Variants in SLC44A2 observed in about 807,000 individuals in gnomAD.
SLC44A2 encodes the protein solute carrier family 44 member 2 (CTL2 blood group).
In SLC44A2, 57 loss-of-function variants were observed where a neutral mutation model predicts 90.8. That is an observed-to-expected ratio of 0.63 (90% CI 0.51 to 0.78). The LOEUF is 0.78. Ranked by LOEUF, SLC44A2 falls within the 30% of genes least tolerant of loss-of-function variation. The probability of loss-of-function intolerance (pLI) is 0.00; values close to 1 mark genes in which losing one functional copy is unlikely to be tolerated. For synonymous variants in SLC44A2, 355 were observed against 360.7 expected, an observed-to-expected ratio of 0.98 and a Z score of 0.18; for missense variants, 794 against 919.7, an observed-to-expected ratio of 0.86 and a Z score of 1.77.
At chr19:10,637,562 G>A (rs961654086) in intron 16 of SLC44A2, 82 bp from the exon 17 acceptor site, 3 of 1,255,922 alleles carry the variant, frequency 2.4e-6, no homozygotes, top group African/African-American at 2.9e-5. Context: ...ACATTGGCAA[G>A]TGTGTGTGAT....
intron 17 of SLC44A2, 31 bp downstream of exon 17, chr19:10,637,778 G>T (rs200312220): frequency 1.9e-6 from 3 of 1,612,492 alleles, no homozygotes; most frequent in African/African-American, 2.7e-5. Flanking sequence ...CAACCAACCC[G>T]CCAGCTCCTG....
chr19:10,615,456 C>G (rs1371841319), intron 1 of SLC44A2, among the ~76,000 whole-genome samples: 4 of 152,056 alleles, frequency 2.6e-5, no homozygotes, highest in African/African-American at 9.7e-5. Context: ...CACCTGAAGT[C>G]CCCGCTACTC....
chr19:10,627,090 G>A (rs1421030427), intron 2 of SLC44A2, among the ~76,000 whole-genome samples: 2 of 152,280 alleles, frequency 1.3e-5, no homozygotes, highest in East Asian at 3.9e-4. Flanking sequence ...GGAGGCCAAG[G>A]CAGGTGGATC....
chr19:10,622,817 G>A (rs1004358234), upstream of SLC44A2, among the ~76,000 whole-genome samples: 1 of 152,022 alleles, frequency 6.6e-6, no homozygotes, highest in Non-Finnish European at 1.5e-5. Context: ...TGGGAGGATC[G>A]CCTGAGCCCA....
chr19:10,638,050 C>A lies in SLC44A2; in HGVS notation c.1797C>A (p.Asp599Glu), dbSNP rs1410407367. The change falls in exon 19 of 22, where the codon GAC becomes GAA. Residue 599 changes from aspartate (D) to glutamate (E), a missense_variant. Physicochemically the swap from Asp to Glu is conservative, Grantham distance 45. Transcript: ENST00000335757. ...TGGCTGTCCTGGATAAAGTTACTGA[C>A]TTCCTCTTCCTGTTGGGCAAACTTC... ...IRVAVLDKVT[D>E]FLFLLGKLLI... 1.9e-6 allele frequency: 3 copies of A among 1,614,026 alleles called. No homozygotes were observed. Among genetic ancestry groups the A allele is most frequent in the Non-Finnish European group, 2.5e-6 (3 of 1,179,986 alleles).
At chr19:10,605,463 G>A (rs561043094) in intron 1 of SLC44A2, among the ~76,000 whole-genome samples, 3 of 152,016 alleles carry the variant, frequency 2.0e-5, no homozygotes, top group East Asian at 3.9e-4. Flanking sequence ...GCGGTGAGCC[G>A]AGTTTGTGCC....
At chr19:10,610,174 C>T (rs575068915) in intron 1 of SLC44A2, among the ~76,000 whole-genome samples, 43 of 150,978 alleles carry the variant, frequency 2.8e-4, no homozygotes, top group African/African-American at 1.0e-3. Context: ...AAGAATGGCT[C>T]TTATATTTTT....
chr19:10,631,288 A>G lies in SLC44A2; in HGVS notation c.344A>G (p.Lys115Arg). Residue 115 changes from lysine (K) to arginine (R), a missense_variant, in exon 6 of 22, where the codon AAA becomes AGA. Physicochemically the swap from Lys to Arg is conservative, Grantham distance 26 (BLOSUM62 2). Transcript: ENST00000335757. Reference sequence around the variant, plus strand: ...CTCCCCTCCCAGATCTGCGTGGAAAAATGCCCCGACCGCTACCTCACGTAC... The same window carrying G: ...CTCCCCTCCCAGATCTGCGTGGAAAGATGCCCCGACCGCTACCTCACGTAC... ...QCPTPQICVE[K>R]CPDRYLTYLN... The G allele has an allele frequency of 6.2e-7, 1 of 1,614,002 alleles. No individual in the cohort carries two copies. Among genetic ancestry groups the G allele is most frequent in the Non-Finnish European group, 8.5e-7 (1 of 1,179,994 alleles).
chr19:10,616,984 C>G (rs538786799), intron 1 of SLC44A2, among the ~76,000 whole-genome samples: 1 of 151,918 alleles, frequency 6.6e-6, no homozygotes, highest in Non-Finnish European at 1.5e-5. Flanking sequence ...TGCAGTGGCG[C>G]GATCTCGGCT....
rs767942361 is a variant in SLC44A2, at chr19:10,631,668, T to C, written c.545T>C (p.Val182Ala). The C allele has an allele frequency of 1.2e-6, 2 of 1,613,564 alleles. No homozygotes were observed. The highest frequency in any genetic ancestry group is 4.5e-5 in the East Asian group (2 of 44,886). Residue 182 changes from valine to alanine, a missense_variant, in exon 8 of 22, where the codon GTC (valine) becomes GCC (alanine). By Grantham distance (64) the Val-to-Ala change is moderately conservative. Coordinates refer to ENST00000335757, the MANE Select transcript of SLC44A2 (RefSeq NM_020428.4). The part of the protein sequence containing the change: ...CFPAIHAYKG[V>A]LMVGNETTYE... Reference sequence around the variant, plus strand: ...CCCGCTATCCACGCCTACAAGGGTGTCCTGATGGTGGGCAATGAGACGACC... The same window carrying C: ...CCCGCTATCCACGCCTACAAGGGTGCCCTGATGGTGGGCAATGAGACGACC...
In SLC44A2 at chr19:10,637,667, T is replaced by G; in HGVS notation, c.1615T>G (p.Cys539Gly). 6.2e-7 allele frequency: 1 copy of G among 1,614,132 alleles called. No homozygotes were observed. The change falls in exon 17 of 22, where the codon TGC becomes GGC. Residue 539 changes from cysteine to glycine, a missense_variant. Physicochemically the swap from Cys to Gly is radical, Grantham distance 159 (BLOSUM62 -3). This residue lies in a region of SLC44A2 where 738 missense variants were observed against 841.1 expected (regional missense o/e 0.88). Transcript: ENST00000335757. ...LKAAENKFAK[C>G]LMTCLKCCFW... ...AGCTGCAGAGAACAAGTTTGCCAAGTGCCTCATGACCTGTCTCAAATGCTG... is the reference window on the plus strand; with the variant it reads ...AGCTGCAGAGAACAAGTTTGCCAAGGGCCTCATGACCTGTCTCAAATGCTG...
In SLC44A2 at chr19:10,643,540, A is replaced by ATGCCCCAGACTCTCCAC; in HGVS notation, c.*155_*156insTGCCCCAGACTCTCCAC. The ATGCCCCAGACTCTCCAC allele has an allele frequency of 2.3e-6, 2 of 862,100 alleles. No individual in the cohort carries two copies. The highest frequency in any genetic ancestry group is 3.4e-6 in the Non-Finnish European group (2 of 591,018). 53.4% of individuals were successfully genotyped at this position (862,100 alleles called of 1,614,324 possible). A position where few individuals can be genotyped will look rare whatever the true frequency, so the allele number is the denominator to read the frequency against. ...ATCCCACCAGTTTCTGGACGTGGAG[A>ATGCCCCAGACTCTCCAC]GTCTGGGGCATCTCCTTCTTATGCC... On this transcript the variant is annotated 3_prime_UTR_variant, in exon 22 of 22. Transcript: ENST00000335757.
At position 10,631,103 on chromosome 19, in the gene SLC44A2, C is replaced by T. The variant is rs11544830; in HGVS notation, c.292C>T (p.Pro98Ser). 6.2e-7 allele frequency: 1 copy of T among 1,614,096 alleles called. No homozygotes were observed. The highest frequency in any genetic ancestry group is 1.1e-5 in the South Asian group (1 of 91,082). The change falls in exon 5 of 22, where the codon CCC (proline) becomes TCC (serine). Residue 98 changes from proline to serine, a missense_variant. Pro to Ser is a moderately conservative substitution (Grantham distance 74). Coordinates refer to ENST00000335757, the MANE Select transcript of SLC44A2 (RefSeq NM_020428.4). ...TTTCAACATTGTGAAATGTGCCAGC[C>T]CCCTGGTTCTGCTGGAATTCCAATG... ...FYFNIVKCAS[P>S]LVLLEFQCPT...
At chr19:10,640,435 C>T (rs1378156265) in intron 20 of SLC44A2, among the ~76,000 whole-genome samples, 1 of 151,980 alleles carries the variant, frequency 6.6e-6, no homozygotes, top group Admixed American at 6.6e-5. Flanking sequence ...AGAGATAGGC[C>T]AGGTGTTGTG....
At position 10,625,617 on chromosome 19, in the gene SLC44A2, GC is replaced by G; in HGVS notation, c.-16del. 1 of 1,245,718 alleles carries G rather than the reference GC, an allele frequency of 8.0e-7. No homozygotes were observed. Among genetic ancestry groups the G allele is most frequent in the Non-Finnish European group, 1.0e-6 (1 of 990,356 alleles). 77.2% of individuals were successfully genotyped at this position (1,245,718 alleles called of 1,614,324 possible). The stretch of plus-strand genomic sequence containing the variant: ...GGAGAGAGCGCGGGCGGCCGCCGGG[GC>G]TGGTCGCCTGCAGGGATGGGGGACG... On this transcript the variant is annotated 5_prime_UTR_variant, in exon 1 of 22. Coordinates refer to ENST00000335757, the MANE Select transcript of SLC44A2 (RefSeq NM_020428.4).
rs575949072 is a variant in SLC44A2, at chr19:10,609,166, C to G, written c.31+6605C>G. Among the ~76,000 whole-genome samples, 3 of 152,138 alleles carry G rather than the reference C, an allele frequency of 2.0e-5. No homozygotes were observed. In the East Asian group the frequency reaches 5.8e-4, roughly 29 times the overall value. ...AGAGACGGGGTTTCACCATATTGGC[C>G]AGGCTGGTCTTGAACTCCTGACCTT... On this transcript the variant is annotated intron_variant, in intron 1 of 21. Transcript: ENST00000407327.
At chr19:10,610,631 C>CG (rs1918269818) in intron 1 of SLC44A2, among the ~76,000 whole-genome samples, 1 of 47,998 alleles carries the variant, frequency 2.1e-5, no homozygotes, top group Admixed American at 2.8e-4. Context: ...CCGCGCCTGG[C>CG]TTTTTTTTTT....
At position 10,634,890 on chromosome 19, in the gene SLC44A2, G is replaced by A. The variant is rs1237665363; in HGVS notation, c.955+3G>A. The stretch of plus-strand genomic sequence containing the variant: ...ACGGCAGACCTGGTTGGCCTTTAGT[G>A]AGTCACAGTCTCCCATTCCTGCCCC... On this transcript the variant is annotated splice_donor_region_variant and intron_variant, in intron 11 of 21. Transcript: ENST00000335757. 2 of 1,614,162 alleles carry A rather than the reference G, an allele frequency of 1.2e-6. No homozygotes were observed. The highest frequency in any genetic ancestry group is 1.7e-6 in the Non-Finnish European group (2 of 1,180,036).
intron 20 of SLC44A2, 60 bp downstream of exon 20, chr19:10,638,375 G>A (rs1310349364): frequency 1.3e-6 from 2 of 1,494,424 alleles, no homozygotes; most frequent in Non-Finnish European, 1.9e-6. Flanking sequence ...GATTTGCTTG[G>A]TCTTCTTTGA....
Sources: allele counts gnomAD v4.1 joint callset (sites outside exome capture counted in the v4.1 genomes callset), GRCh38; gene constraint gnomAD v4.1.1; regional missense constraint gnomAD v4.1.1; transcripts MANE v1.5; gene names NCBI Gene and HGNC (gene_info 2026-07-23, HGNC 2026-07-21).